RBFOX1: variants seen among roughly 807,000 people sequenced by gnomAD.
The protein encoded by RBFOX1 is RNA binding fox-1 homolog 1.
RBFOX1 carries 8 observed loss-of-function variants against 57.7 expected under a neutral mutation model. The ratio of observed to expected loss-of-function variants is 0.14; its 90% CI spans 0.08 to 0.25. The LOEUF (loss-of-function observed/expected upper bound fraction) is 0.25, where lower values mean the gene tolerates loss of function less well. RBFOX1 is among the 10% of genes least tolerant of loss of function. The pLI, the probability that RBFOX1 is intolerant of heterozygous loss-of-function variation, is 1.00. For synonymous variants in RBFOX1, 326 were observed against 222.4 expected, an observed-to-expected ratio of 1.47 and a Z score of -4.15; for missense variants, 611 against 548.5, an observed-to-expected ratio of 1.11 and a Z score of -1.14.
intron 2 of RBFOX1, among the ~76,000 whole-genome samples, chr16:6,467,472 G>T (rs1042130455): frequency 2.6e-5 from 4 of 152,048 alleles, no homozygotes; most frequent in Non-Finnish European, 5.9e-5. Context: ...TATAGTAGCT[G>T]GGTTTTCCAA....
chr16:6,116,172 G>C lies in RBFOX1; in HGVS notation c.-127+96180G>C, dbSNP rs940892903. The stretch of plus-strand genomic sequence containing the variant: ...TTCTCAGCAAACTAACACAGGAACA[G>C]AAAACCGAACACCGTATGTCCTCAC... On this transcript the variant is annotated intron_variant, in intron 1 of 15. Transcript: ENST00000550418. Among the ~76,000 whole-genome samples the C allele has an allele frequency of 4.6e-5, 7 of 151,050 alleles. 1 individual carries two copies. Among genetic ancestry groups the C allele is most frequent in the African/African-American group, 1.2e-4 (5 of 40,998 alleles).
chr16:5,580,346 A>ATT (rs2046623086), intron 2 of RBFOX1, among the ~76,000 whole-genome samples: 1 of 152,198 alleles, frequency 6.6e-6, no homozygotes, highest in Non-Finnish European at 1.5e-5. Context: ...AGCTTGTGGG[A>ATT]AAACATCCTC....
chr16:6,883,447 A>C (rs1197649498), intron 3 of RBFOX1, among the ~76,000 whole-genome samples: 1 of 152,198 alleles, frequency 6.6e-6, no homozygotes, highest in East Asian at 1.9e-4. Flanking sequence ...ATTGTACAAG[A>C]TTTTATTTGA....
In RBFOX1 at chr16:6,642,749, G is replaced by A. The variant is rs114010560; in HGVS notation, c.-63-11854G>A. 9.2e-3 allele frequency among the ~76,000 whole-genome samples: 1,406 copies of A among 152,154 alleles called. 26 individuals are homozygous for A. The highest frequency in any genetic ancestry group is 0.032 in the African/African-American group (1,312 of 41,512). ...TGGGGATCGTTTTGTAGTTGTTCTGGCTTTACAGCTTTTTCCTGCCTAAGA... is the reference window on the plus strand; with the variant it reads ...TGGGGATCGTTTTGTAGTTGTTCTGACTTTACAGCTTTTTCCTGCCTAAGA... On this transcript the variant is annotated intron_variant, in intron 2 of 15. Transcript: ENST00000550418.
chr16:5,674,128 A>G (rs1304461773), intron 3 of RBFOX1, among the ~76,000 whole-genome samples: 1 of 152,220 alleles, frequency 6.6e-6, no homozygotes, highest in Non-Finnish European at 1.5e-5. Flanking sequence ...CAGCAGATAT[A>G]AGCCCTGTCT....
At chr16:6,501,623 T>C (rs181494441) in intron 2 of RBFOX1, among the ~76,000 whole-genome samples, 346 of 152,278 alleles carry the variant, frequency 2.3e-3, no homozygotes, top group Admixed American at 5.9e-3. Context: ...TGTGTCTTTA[T>C]AGCAGCATGA....
chr16:6,978,327 C>T (rs1330736129), intron 3 of RBFOX1, among the ~76,000 whole-genome samples: 2 of 152,122 alleles, frequency 1.3e-5, no homozygotes, highest in African/African-American at 4.8e-5. Context: ...TCTTTTATCC[C>T]GGTGCTCTAT....
intron 2 of RBFOX1, among the ~76,000 whole-genome samples, chr16:6,423,822 AG>A (rs2093843838): frequency 6.6e-6 from 1 of 152,140 alleles, no homozygotes; most frequent in Non-Finnish European, 1.5e-5. Flanking sequence ...GAATCAGAAC[AG>A]AAGAGAAATG....
chr16:6,500,687 A>G (rs751994066), intron 2 of RBFOX1, among the ~76,000 whole-genome samples: 27 of 151,734 alleles, frequency 1.8e-4, no homozygotes, highest in Non-Finnish European at 3.7e-4. Context: ...CATTGAACTC[A>G]GGGTCTTAGA....
chr16:6,917,299 G>T (rs913875620), intron 3 of RBFOX1, among the ~76,000 whole-genome samples: 3 of 152,292 alleles, frequency 2.0e-5, no homozygotes, highest in Admixed American at 6.5e-5. Context: ...ACCAAACACT[G>T]AACAGAGGAT....
intron 12 of RBFOX1, among the ~76,000 whole-genome samples, chr16:7,654,904 A>T (rs1369085929): frequency 6.6e-6 from 1 of 152,210 alleles, no homozygotes; most frequent in Non-Finnish European, 1.5e-5. Context: ...AAGAATTATC[A>T]GACTCAAAGT....
chr16:6,370,777 G>C (rs1343191871), intron 2 of RBFOX1, among the ~76,000 whole-genome samples: 1 of 152,138 alleles, frequency 6.6e-6, no homozygotes, highest in Non-Finnish European at 1.5e-5. Flanking sequence ...GCACAAGAAT[G>C]CAAATGTTCT....
intron 2 of RBFOX1, among the ~76,000 whole-genome samples, chr16:6,622,003 C>T (rs1422701676): frequency 3.3e-5 from 5 of 152,114 alleles, no homozygotes; most frequent in African/African-American, 9.7e-5. Flanking sequence ...GCCAAAGGGG[C>T]TTACACCATT....
intron 1 of RBFOX1, among the ~76,000 whole-genome samples, chr16:5,457,567 G>A (rs1388520346): frequency 1.3e-5 from 2 of 152,146 alleles, no homozygotes; most frequent in African/African-American, 4.8e-5. Flanking sequence ...GGAATTTTGG[G>A]GCCACACAGG....
intron 4 of RBFOX1, among the ~76,000 whole-genome samples, chr16:7,464,625 G>C (rs989076622): frequency 4.0e-5 from 6 of 149,214 alleles, no homozygotes; most frequent in Admixed American, 4.0e-4. Flanking sequence ...TATCTACAAT[G>C]TCCTCTCTAG....
chr16:5,882,960 C>G (rs180999810), intron 4 of RBFOX1, among the ~76,000 whole-genome samples: 29 of 152,162 alleles, frequency 1.9e-4, no homozygotes, highest in African/African-American at 6.7e-4. Context: ...TTTAAAGGAA[C>G]GTTGTTGTTG....
chr16:5,571,916 T>A (rs528506398), intron 2 of RBFOX1, among the ~76,000 whole-genome samples: 1 of 152,384 alleles, frequency 6.6e-6, no homozygotes, highest in South Asian at 2.1e-4. Context: ...GTTAGAGGCG[T>A]GAGCCACTGT....
At chr16:6,967,210 C>G (rs745889109) in intron 3 of RBFOX1, among the ~76,000 whole-genome samples, 10 of 152,094 alleles carry the variant, frequency 6.6e-5, no homozygotes, top group Non-Finnish European at 1.2e-4. Flanking sequence ...TGATCCATCT[C>G]TCCATCCATC....
rs1369773076 is a variant in RBFOX1, at chr16:7,356,853, C to T, written c.28-161294C>T. The stretch of plus-strand genomic sequence containing the variant: ...GGACTTACTATTATGCGTAGTCTTT[C>T]GTCTTCAGTATCTGGGTCACAGCTT... On this transcript the variant is annotated intron_variant, in intron 4 of 15. Transcript: ENST00000550418. Among the ~76,000 whole-genome samples, 8 of 152,254 alleles carry T rather than the reference C, an allele frequency of 5.3e-5. No individual in the cohort carries two copies. In the South Asian group the frequency reaches 1.2e-3, roughly 24 times the overall value.
Sources: allele counts gnomAD v4.1 joint callset (sites outside exome capture counted in the v4.1 genomes callset), GRCh38; gene constraint gnomAD v4.1.1; transcripts MANE v1.5; gene names NCBI Gene and HGNC (gene_info 2026-07-23, HGNC 2026-07-21).